CELF2: variants seen among roughly 807,000 people sequenced by gnomAD.
CELF2 encodes the protein CUGBP Elav-like family member 2, also known as CUG triplet repeat RNA-binding protein 2.
Under a neutral mutation model 62.6 loss-of-function variants are expected in CELF2, and 8 were observed. The observed-to-expected ratio is 0.13, with a 90% CI of 0.07 to 0.23. The LOEUF (loss-of-function observed/expected upper bound fraction) is 0.23, where lower values mean the gene tolerates loss of function less well. Ranked by LOEUF, CELF2 falls within the 10% of genes least tolerant of loss-of-function variation. CELF2 has a pLI of 1.00. For missense variants in CELF2, 333 were observed against 671.0 expected (o/e 0.50, Z 5.56); for synonymous variants, 258 against 250.0 (o/e 1.03, Z -0.30).
chr10:10,784,608 A>G, the CELF2 span: 2 of 151,416 alleles, frequency 1.3e-5, no homozygotes, highest in African/African-American at 2.4e-5. Flanking sequence ...ATGTTCAGTC[A>G]CTCCTTCTCT....
At chr10:10,890,741 G>A (rs368238576) in intron 1 of CELF2, among the ~76,000 whole-genome samples, 3 of 152,332 alleles carry the variant, frequency 2.0e-5, no homozygotes, top group Admixed American at 6.5e-5. Flanking sequence ...TAGGCTGGGC[G>A]CTGTGGCTCA....
At chr10:10,737,773 T>G in the CELF2 span, among the ~76,000 whole-genome samples, 1 of 152,050 alleles carries the variant, frequency 6.6e-6, no homozygotes, top group Non-Finnish European at 1.5e-5. Context: ...CTTCTTATTT[T>G]GACAACCTCT....
chr10:11,192,600 G>A (rs2076518239), intron 2 of CELF2, among the ~76,000 whole-genome samples: 1 of 152,200 alleles, frequency 6.6e-6, no homozygotes, highest in African/African-American at 2.4e-5. Flanking sequence ...ACAATAACAA[G>A]CCAGCCTTGC....
intron 1 of CELF2, among the ~76,000 whole-genome samples, chr10:11,103,942 C>CT (rs2052612138): frequency 6.6e-6 from 1 of 151,892 alleles, no homozygotes; most frequent in Admixed American, 6.6e-5. Flanking sequence ...TAAATTTACC[C>CT]TTTCCTGAAA....
chr10:10,483,937 GTCTCTCTCTCTCA>G, the CELF2 span, among the ~76,000 whole-genome samples: 8 of 123,006 alleles, frequency 6.5e-5, no homozygotes, highest in Non-Finnish European at 1.2e-4. Flanking sequence ...ACTCTCTCTC[GTCTCTCTCTCTCA>G]TCTCTCTCTC....
intron 1 of CELF2, among the ~76,000 whole-genome samples, chr10:10,892,056 G>A (rs530261301): frequency 2.0e-5 from 3 of 152,092 alleles, no homozygotes; most frequent in African/African-American, 7.2e-5. Context: ...CACAAGCAAT[G>A]ATATGCAAAA....
chr10:10,591,719 G>A, the CELF2 span, among the ~76,000 whole-genome samples: 1 of 152,204 alleles, frequency 6.6e-6, no homozygotes, highest in African/African-American at 2.4e-5. Context: ...GATTTTCCAT[G>A]AATGGGAATC....
At chr10:10,913,398 T>TTA (rs2063988228) in intron 1 of CELF2, among the ~76,000 whole-genome samples, 1 of 138,382 alleles carries the variant, frequency 7.2e-6, no homozygotes, top group Non-Finnish European at 1.5e-5. Flanking sequence ...TTTTTTTTTT[T>TTA]TTTTTTTTTG....
rs57868734 is a variant in CELF2, at chr10:10,957,358, G to A, written c.89+37359G>A. Among the ~76,000 whole-genome samples, 4,350 of 152,164 alleles carry A rather than the reference G, an allele frequency of 0.029. 220 individuals are homozygous for A. Among genetic ancestry groups the A allele is most frequent in the African/African-American group, 0.099 (4,110 of 41,490 alleles). ...TCTCTTTGTGCATGTGTCTCCTCTG[G>A]GATTCATTCGCTCTCGCTGAAGGAT... On this transcript the variant is annotated intron_variant, in intron 2 of 13. Coordinates refer to the CELF2 transcript ENST00000636488. This position sits in a 1 kb window ranked among gnomAD's most constrained non-coding sequence, Gnocchi z 4.1.
intron 2 of CELF2, among the ~76,000 whole-genome samples, chr10:10,967,163 C>T (rs1163192086): frequency 6.6e-5 from 10 of 152,098 alleles, no homozygotes; most frequent in South Asian, 2.1e-4. Flanking sequence ...ACCTACAGAA[C>T]GTGGGAGGGA....
intron 1 of CELF2, among the ~76,000 whole-genome samples, chr10:10,917,451 C>T (rs1368944641): frequency 3.3e-5 from 5 of 151,682 alleles, no homozygotes; most frequent in South Asian, 2.1e-4. Flanking sequence ...GCAATCCTCC[C>T]GCCTCAGCCT....
intron 2 of CELF2, among the ~76,000 whole-genome samples, chr10:11,189,594 C>A (rs754157842): frequency 6.6e-6 from 1 of 152,180 alleles, no homozygotes; most frequent in Admixed American, 6.5e-5. Context: ...TAATGGCCCT[C>A]GCACTCTCAG....
rs1413078396 is a variant in CELF2 at position 10,931,123 on chromosome 10, T to C, written c.89+11124T>C. On this transcript the variant is annotated intron_variant, in intron 2 of 13. Coordinates refer to the CELF2 transcript ENST00000636488. The surrounding 1 kb of genome is among the most constrained non-coding windows in gnomAD (Gnocchi z 6.1). The stretch of plus-strand genomic sequence containing the variant: ...TGTAAACCTTTCTTTTCGGATTAGG[T>C]TTTGTAAATGTTTCTATTATGTATT... Among the ~76,000 whole-genome samples, 1 of 152,218 alleles carries C rather than the reference T, an allele frequency of 6.6e-6. No homozygotes were observed. Among genetic ancestry groups the C allele is most frequent in the African/African-American group, 2.4e-5 (1 of 41,448 alleles).
the CELF2 span, among the ~76,000 whole-genome samples, chr10:10,502,122 G>C: frequency 1.3e-5 from 2 of 151,864 alleles, no homozygotes; most frequent in African/African-American, 2.4e-5. Context: ...ATTTAGTCTT[G>C]ATATATAATT....
chr10:11,013,795 C>T (rs1043388676), upstream of CELF2, among the ~76,000 whole-genome samples: 18 of 151,928 alleles, frequency 1.2e-4, no homozygotes, highest in Admixed American at 9.8e-4. This position sits in a 1 kb window ranked among gnomAD's most constrained non-coding sequence, Gnocchi z 4.1. Context: ...TTATAATTGG[C>T]GATATAAATA....
At chr10:11,069,726 T>A (rs1055340154) in intron 1 of CELF2, among the ~76,000 whole-genome samples, 3 of 152,236 alleles carry the variant, frequency 2.0e-5, no homozygotes, top group African/African-American at 7.2e-5. Context: ...TCTAATTGAT[T>A]GCACCAAATC....
intron 1 of CELF2, among the ~76,000 whole-genome samples, chr10:11,107,152 C>T (rs2053721460): frequency 6.6e-6 from 1 of 152,218 alleles, no homozygotes; most frequent in African/African-American, 2.4e-5. Flanking sequence ...TGTCCCCACC[C>T]AGCAATAAGT....
the CELF2 span, among the ~76,000 whole-genome samples, chr10:10,465,686 C>T: frequency 3.8e-3 from 581 of 152,262 alleles, 1 homozygote; most frequent in Non-Finnish European, 7.3e-3. Context: ...CTATCCTCCT[C>T]ATCTTTACAA....
In CELF2 at chr10:11,220,622, C is replaced by T. The variant is rs540515581; in HGVS notation, c.354+3115C>T. Among the ~76,000 whole-genome samples, 8 of 152,334 alleles carry T rather than the reference C, an allele frequency of 5.3e-5. No homozygotes were observed. Among genetic ancestry groups the T allele is most frequent in the South Asian group, 2.1e-4 (1 of 4,828 alleles). ...CCTCTTACTGGGTAACCAAAGAAGA[C>T]GCTCTGTTTTACATCCCCTGAAATT... On this transcript the variant is annotated intron_variant, in intron 3 of 12. Coordinates refer to ENST00000633077, the MANE Select transcript of CELF2 (RefSeq NM_001326342.2). The surrounding 1 kb of genome is among the most constrained non-coding windows in gnomAD (Gnocchi z 4.4).
Sources: gnomAD v4.1 joint callset for allele counts (sites outside exome capture counted in the v4.1 genomes callset) on GRCh38, gnomAD v4.1.1 for gene constraint, Gnocchi (gnomAD v3.1) non-coding constraint, MANE v1.5 for transcripts, NCBI Gene and HGNC (gene_info 2026-07-23, HGNC 2026-07-21) for gene names.